The following TDRD3 variants were observed in gnomAD, a reference collection of about 807,000 sequenced individuals.
The protein encoded by TDRD3 is tudor domain containing 3, also known as tudor domain-containing protein 3.
TDRD3 carries 45 observed loss-of-function variants against 86.7 expected under a neutral mutation model. The ratio of observed to expected loss-of-function variants is 0.52; its 90% CI spans 0.41 to 0.67. The LOEUF (loss-of-function observed/expected upper bound fraction) is 0.67, where lower values mean the gene tolerates loss of function less well. Among genes scored for constraint, TDRD3 ranks in the 30% least tolerant of loss-of-function variants. The pLI is 0.00. For synonymous variants in TDRD3, 298 were observed against 301.7 expected (o/e 0.99, Z 0.13); for missense variants, 814 against 889.0 (o/e 0.92, Z 1.07).
chr13:60,513,493 C>T (rs1566261051), intron 10 of TDRD3, among the ~76,000 whole-genome samples: 2 of 152,148 alleles, frequency 1.3e-5, no homozygotes, highest in Non-Finnish European at 2.9e-5. Flanking sequence ...GCAAATTTTC[C>T]AGACTTTTAT....
At chr13:60,447,342 G>A (rs1955428181) in intron 3 of TDRD3, among the ~76,000 whole-genome samples, 1 of 152,068 alleles carries the variant, frequency 6.6e-6, no homozygotes, top group African/African-American at 2.4e-5. Flanking sequence ...TCTTTCTCCT[G>A]CTTATTGGTT....
intron 8 of TDRD3, among the ~76,000 whole-genome samples, chr13:60,495,704 A>G (rs538083292): frequency 6.6e-6 from 1 of 152,182 alleles, no homozygotes; most frequent in African/African-American, 2.4e-5. Context: ...ACCTCAGATG[A>G]TCCACCCGCT....
At chr13:60,457,312 G>A (rs561990954) in intron 3 of TDRD3, among the ~76,000 whole-genome samples, 133 of 152,318 alleles carry the variant, frequency 8.7e-4, no homozygotes, top group African/African-American at 3.2e-3. Context: ...TTTTGAACCA[G>A]TTAACAAGTA....
chr13:60,506,161 C>G (rs919888561), intron 8 of TDRD3, among the ~76,000 whole-genome samples: 1 of 152,030 alleles, frequency 6.6e-6, no homozygotes, highest in African/African-American at 2.4e-5. Context: ...AAAGGGAAAC[C>G]CATCAGACTA....
At chr13:60,490,142 C>G (rs1956553925) in intron 7 of TDRD3, among the ~76,000 whole-genome samples, 1 of 135,804 alleles carries the variant, frequency 7.4e-6, no homozygotes, top group Non-Finnish European at 1.5e-5. Context: ...AACAAACAAA[C>G]TTGGGACTTG....
At chr13:60,483,279 G>A (rs1008327626) in intron 5 of TDRD3, among the ~76,000 whole-genome samples, 38 of 152,006 alleles carry the variant, frequency 2.5e-4, no homozygotes, top group Admixed American at 2.2e-3. Flanking sequence ...GAAGGTTAAG[G>A]AAATTTTAGT....
intron 3 of TDRD3, among the ~76,000 whole-genome samples, chr13:60,452,217 A>C (rs1955565382): frequency 6.6e-6 from 1 of 152,078 alleles, no homozygotes; most frequent in South Asian, 2.1e-4. Context: ...AATTTATTGG[A>C]AGTATATGGG....
chr13:60,541,731 T>TC (rs1456959822), intron 12 of TDRD3, among the ~76,000 whole-genome samples: 1 of 130,268 alleles, frequency 7.7e-6, no homozygotes, highest in Non-Finnish European at 1.7e-5. Flanking sequence ...TTTTTTTTTT[T>TC]TTTTTTTTTT....
intron 12 of TDRD3, among the ~76,000 whole-genome samples, chr13:60,557,197 ACT>A (rs1326386026): frequency 1.7e-5 from 2 of 115,534 alleles, no homozygotes; most frequent in East Asian, 2.4e-4. Flanking sequence ...CAAGAGCGAA[ACT>A]CTGTCTCAAA....
chr13:60,473,283 GA>G (rs1956109438), intron 5 of TDRD3, among the ~76,000 whole-genome samples: 1 of 152,108 alleles, frequency 6.6e-6, no homozygotes, highest in Non-Finnish European at 1.5e-5. Context: ...ATTCATGAGG[GA>G]AAAATATTCA....
chr13:60,442,527 A>G (rs778672420), intron 2 of TDRD3, among the ~76,000 whole-genome samples: 3 of 152,070 alleles, frequency 2.0e-5, no homozygotes, highest in Non-Finnish European at 4.4e-5. Flanking sequence ...GGACCCAGTC[A>G]TCGTCCTAGC....
chr13:60,427,371 T>C (rs1954838480), intron 1 of TDRD3, among the ~76,000 whole-genome samples: 1 of 152,210 alleles, frequency 6.6e-6, no homozygotes, highest in Non-Finnish European at 1.5e-5. Context: ...TTTACACTGA[T>C]GAATATTGTT....
In TDRD3 at chr13:60,469,437, C is replaced by T. The variant is rs552592430; in HGVS notation, c.495+2058C>T. On this transcript the variant is annotated intron_variant, in intron 5 of 13. Coordinates refer to ENST00000377881, the MANE Select transcript of TDRD3 (RefSeq NM_001146070.2). Reference sequence around the variant, plus strand: ...TCTCACCAACACACACACACACATACACACACACACACACACACGGAGTTT... The same window carrying T: ...TCTCACCAACACACACACACACATATACACACACACACACACACGGAGTTT... 3.1e-3 allele frequency among the ~76,000 whole-genome samples: 461 copies of T among 149,392 alleles called. 2 individuals carry two copies. Among genetic ancestry groups the T allele is most frequent in the African/African-American group, 0.011 (438 of 40,742 alleles).
chr13:60,434,147 C>T (rs1483495784), intron 1 of TDRD3: 1 of 152,070 alleles, frequency 6.6e-6, no homozygotes, highest in Non-Finnish European at 1.5e-5. Context: ...CTAAAGGAAG[C>T]ATTTTCTAAA....
chr13:60,436,462 C>T (rs541801108), intron 1 of TDRD3, among the ~76,000 whole-genome samples: 4 of 152,122 alleles, frequency 2.6e-5, no homozygotes, highest in South Asian at 2.1e-4. Context: ...AGGTGAGAGA[C>T]GGGGATCCAT....
At chr13:60,553,879 A>G (rs960701248) in intron 12 of TDRD3, among the ~76,000 whole-genome samples, 10 of 152,196 alleles carry the variant, frequency 6.6e-5, no homozygotes. Flanking sequence ...TAATATAATG[A>G]GGTTTTATAT....
chr13:60,524,032 G>GA (rs1957350094), intron 10 of TDRD3, among the ~76,000 whole-genome samples: 1 of 151,810 alleles, frequency 6.6e-6, no homozygotes, highest in South Asian at 2.1e-4. Flanking sequence ...TGACTGTACA[G>GA]AAAAATATCT....
At chr13:60,502,618 A>G (rs1595033153) in intron 8 of TDRD3, among the ~76,000 whole-genome samples, 1 of 152,100 alleles carries the variant, frequency 6.6e-6, no homozygotes, top group African/African-American at 2.4e-5. Flanking sequence ...ATGGGTTTGT[A>G]TCTTCAAATA....
chr13:60,410,647 T>C (rs896608217), intron 1 of TDRD3, among the ~76,000 whole-genome samples: 1 of 152,192 alleles, frequency 6.6e-6, no homozygotes, highest in African/African-American at 2.4e-5. Flanking sequence ...ATTTGAGTAA[T>C]AATGAGATTT....
Sources: allele counts gnomAD v4.1 joint callset (sites outside exome capture counted in the v4.1 genomes callset), GRCh38; gene constraint gnomAD v4.1.1; transcripts MANE v1.5; gene names NCBI Gene and HGNC (gene_info 2026-07-23, HGNC 2026-07-21).